The following CAMK1D variants were observed in gnomAD, a reference collection of about 807,000 sequenced individuals.
CAMK1D encodes calcium/calmodulin-dependent protein kinase type 1D.
In CAMK1D, 9 loss-of-function variants were observed where a neutral mutation model predicts 47.7. That is an observed-to-expected ratio of 0.19 (90% CI 0.11 to 0.33). CAMK1D has a LOEUF of 0.33. Ranked by LOEUF, CAMK1D falls within the 10% of genes least tolerant of loss-of-function variation. The probability of loss-of-function intolerance (pLI) is 1.00; values close to 1 mark genes in which losing one functional copy is unlikely to be tolerated. For missense variants in CAMK1D, 291 were observed against 488.7 expected, an observed-to-expected ratio of 0.60 and a Z score of 3.81; for synonymous variants, 184 against 184.9, an observed-to-expected ratio of 0.99 and a Z score of 0.04.
intron 1 of CAMK1D, among the ~76,000 whole-genome samples, chr10:12,504,530 G>A (rs1254163751): frequency 6.6e-6 from 1 of 152,140 alleles, no homozygotes; most frequent in Non-Finnish European, 1.5e-5. Context: ...CGGTGAGGGT[G>A]AACCTTCTTG....
chr10:12,652,640 C>A (rs969278418), intron 2 of CAMK1D, among the ~76,000 whole-genome samples: 1 of 152,064 alleles, frequency 6.6e-6, no homozygotes, highest in Non-Finnish European at 1.5e-5. Flanking sequence ...GTTTATTAGC[C>A]ACAACCTATT....
At chr10:12,583,673 C>G (rs1564427254) in intron 2 of CAMK1D, among the ~76,000 whole-genome samples, 2 of 151,458 alleles carry the variant, frequency 1.3e-5, no homozygotes, top group Non-Finnish European at 2.9e-5. Context: ...GCGATCTCAG[C>G]TCACTGCAAC....
At chr10:12,504,131 G>C (rs200953006) in intron 1 of CAMK1D, among the ~76,000 whole-genome samples, 1,351 of 113,516 alleles carry the variant, frequency 0.012, 24 homozygotes, top group East Asian at 0.092. Context: ...GTGTGTGTCT[G>C]TGTGTGTGTG....
At chr10:12,657,254 G>A (rs1840144613) in intron 2 of CAMK1D, among the ~76,000 whole-genome samples, 5 of 151,998 alleles carry the variant, frequency 3.3e-5, no homozygotes, top group South Asian at 2.1e-4. Flanking sequence ...GTGAAACCCC[G>A]TCTCTACTAA....
chr10:12,752,600 AT>A (rs1459187683), intron 3 of CAMK1D, among the ~76,000 whole-genome samples: 2 of 152,228 alleles, frequency 1.3e-5, no homozygotes, highest in Non-Finnish European at 2.9e-5. Flanking sequence ...AATAAAAAAA[AT>A]ATATACATAC....
At chr10:12,602,106 A>G (rs1279740330) in intron 2 of CAMK1D, among the ~76,000 whole-genome samples, 1 of 152,256 alleles carries the variant, frequency 6.6e-6, no homozygotes, top group Non-Finnish European at 1.5e-5. Flanking sequence ...TACTCCCCGA[A>G]GAACTATGGT....
intron 1 of CAMK1D, among the ~76,000 whole-genome samples, chr10:12,442,061 G>T (rs1832798720): frequency 6.6e-6 from 1 of 152,174 alleles, no homozygotes; most frequent in Non-Finnish European, 1.5e-5. Flanking sequence ...CTCTTTGATG[G>T]TATAAAATGC....
At position 12,811,588 on chromosome 10, in the gene CAMK1D, A is replaced by G. The variant is rs57055417; in HGVS notation, c.642-2607A>G. 4.2e-3 allele frequency among the ~76,000 whole-genome samples: 641 copies of G among 152,368 alleles called. 4 individuals carry two copies. The highest frequency in any genetic ancestry group is 0.015 in the African/African-American group (614 of 41,592). On this transcript the variant is annotated intron_variant, in intron 6 of 10. Transcript: ENST00000619168. ...AATATCCTATAATACAAAAACACGG[A>G]AAGAAAAAAGAGCTAAGACCAGAAG...
chr10:12,695,685 A>ACTAATGACCG (rs1833262708), intron 3 of CAMK1D, among the ~76,000 whole-genome samples: 1 of 152,046 alleles, frequency 6.6e-6, no homozygotes, highest in African/African-American at 2.4e-5. Context: ...ACTAATGACC[A>ACTAATGACCG]TGTTTTGGTT....
intron 3 of CAMK1D, among the ~76,000 whole-genome samples, chr10:12,750,718 G>C (rs2130874028): frequency 6.6e-6 from 1 of 151,310 alleles, no homozygotes; most frequent in East Asian, 1.9e-4. Context: ...GAATGAAGTA[G>C]AAGTTGAGGG....
chr10:12,449,161 T>C (rs1833007253), intron 1 of CAMK1D, among the ~76,000 whole-genome samples: 1 of 152,168 alleles, frequency 6.6e-6, no homozygotes, highest in Non-Finnish European at 1.5e-5. Context: ...CGATGTTACA[T>C]GAGTATTTGG....
chr10:12,443,313 C>T (rs939772576), intron 1 of CAMK1D, among the ~76,000 whole-genome samples: 39 of 152,252 alleles, frequency 2.6e-4, no homozygotes, highest in African/African-American at 9.4e-4. Context: ...GAGGGCTAAC[C>T]TATGTTGCCT....
chr10:12,653,336 CAA>C (rs1840031708), intron 2 of CAMK1D: 1 of 152,564 alleles, frequency 6.6e-6, no homozygotes, highest in Admixed American at 6.5e-5. Context: ...TTGGAGGAAA[CAA>C]ATATTCATAC....
intron 5 of CAMK1D, among the ~76,000 whole-genome samples, chr10:12,785,952 ACGGTTTGGCC>A (rs1276368979): frequency 1.3e-5 from 2 of 152,222 alleles, no homozygotes; most frequent in African/African-American, 2.4e-5. Flanking sequence ...GTGGATCTCC[ACGGTTTGGCC>A]CGGTTTGGCC....
chr10:12,698,980 T>C (rs1313294467), intron 3 of CAMK1D, among the ~76,000 whole-genome samples: 3 of 151,766 alleles, frequency 2.0e-5, no homozygotes, highest in Non-Finnish European at 2.9e-5. Flanking sequence ...CTAGAGATTC[T>C]TTTTTTTAAG....
chr10:12,529,821 G>T (rs1358877157), intron 1 of CAMK1D, among the ~76,000 whole-genome samples: 1 of 152,140 alleles, frequency 6.6e-6, no homozygotes. Context: ...TTTTTTTCCA[G>T]GGCTGGATAC....
chr10:12,522,480 C>T (rs1835454322), intron 1 of CAMK1D, among the ~76,000 whole-genome samples: 4 of 150,780 alleles, frequency 2.7e-5, no homozygotes, highest in Non-Finnish European at 1.5e-5. Context: ...CCTGAGTGGA[C>T]ACAGCACATG....
chr10:12,814,384 C>T, intron 7 of CAMK1D, 77 bp downstream of exon 7: 5 of 898,860 alleles, frequency 5.6e-6, no homozygotes, highest in Non-Finnish European at 7.3e-6. Flanking sequence ...CTGACAGGCC[C>T]AGGGGACCCT....
At chr10:12,413,087 C>A (rs183056366) in intron 1 of CAMK1D, among the ~76,000 whole-genome samples, 49 of 152,188 alleles carry the variant, frequency 3.2e-4, no homozygotes, top group African/African-American at 1.1e-3. Flanking sequence ...GGTAATTGAT[C>A]AAGAAAAGAG....
Sources: allele counts gnomAD v4.1 joint callset (sites outside exome capture counted in the v4.1 genomes callset), GRCh38; gene constraint gnomAD v4.1.1; transcripts MANE v1.5; gene names NCBI Gene and HGNC (gene_info 2026-07-23, HGNC 2026-07-21).